The following ADGRV1 variants were observed in gnomAD, a reference collection of about 807,000 sequenced individuals.
ADGRV1 encodes the protein adhesion G protein-coupled receptor V1, also known as G-protein coupled receptor 98.
A neutral mutation model predicts 596.2 loss-of-function variants in ADGRV1; 359 were observed. The ratio of observed to expected loss-of-function variants is 0.60; its 90% CI spans 0.55 to 0.66. ADGRV1 has a LOEUF of 0.66. Among genes scored for constraint, ADGRV1 ranks in the 30% least tolerant of loss-of-function variants. ADGRV1 has a pLI of 0.00. For missense variants in ADGRV1, 7,274 were observed against 7,575.6 expected, an observed-to-expected ratio of 0.96 and a Z score of 1.48; for synonymous variants, 2,681 against 2,679.2, an observed-to-expected ratio of 1.00 and a Z score of -0.02.
intron 87 of ADGRV1, among the ~76,000 whole-genome samples, chr5:91,145,885 C>T (rs34302350): frequency 0.2 from 30,183 of 152,116 alleles, 4,196 homozygotes; most frequent in African/African-American, 0.39. Flanking sequence ...AGCCTACATA[C>T]CTAGAGCATT....
intron 25 of ADGRV1, among the ~76,000 whole-genome samples, chr5:90,677,706 T>C (rs958247744): frequency 6.6e-6 from 1 of 152,184 alleles, no homozygotes; most frequent in Non-Finnish European, 1.5e-5. Flanking sequence ...CTCTAGAATA[T>C]GCATTGTTAT....
At chr5:90,985,247 G>T (rs1780391017) in intron 84 of ADGRV1, 97 bp from the exon 85 acceptor site, 13 of 679,148 alleles carry the variant, frequency 1.9e-5, no homozygotes, top group Non-Finnish European at 2.3e-5. Context: ...GTAGATCCTG[G>T]CCTTTTGTTG....
At chr5:91,059,213 G>T (rs1312464160) in intron 85 of ADGRV1, among the ~76,000 whole-genome samples, 1 of 152,124 alleles carries the variant, frequency 6.6e-6, no homozygotes, top group Non-Finnish European at 1.5e-5. Context: ...CTGCACTCTT[G>T]TAAGGTAGAT....
intron 84 of ADGRV1, among the ~76,000 whole-genome samples, chr5:90,974,367 A>G (rs1562027372): frequency 1.3e-5 from 2 of 152,202 alleles, no homozygotes. Flanking sequence ...TTCATATGGA[A>G]CCACGAAAGA....
chr5:91,112,129 A>G (rs1792426655), intron 87 of ADGRV1, among the ~76,000 whole-genome samples: 1 of 152,160 alleles, frequency 6.6e-6, no homozygotes, highest in African/African-American at 2.4e-5. Flanking sequence ...CTTTAGATAG[A>G]CTGCAGGATT....
chr5:90,730,262 C>T (rs1398220978), intron 50 of ADGRV1, among the ~76,000 whole-genome samples: 1 of 152,012 alleles, frequency 6.6e-6, no homozygotes, highest in African/African-American at 2.4e-5. Context: ...TTTCCTTTTG[C>T]AGATTAATAC....
chr5:90,740,166 C>T (rs1753782786), intron 50 of ADGRV1, among the ~76,000 whole-genome samples: 1 of 152,052 alleles, frequency 6.6e-6, no homozygotes, highest in African/African-American at 2.4e-5. Flanking sequence ...TTTGGATAAT[C>T]CGTGGGTCTG....
chr5:91,103,550 C>T (rs1044153905), intron 87 of ADGRV1, among the ~76,000 whole-genome samples: 1 of 151,820 alleles, frequency 6.6e-6, no homozygotes, highest in Admixed American at 6.6e-5. Context: ...GAACTAAGAA[C>T]AAGGTCCAAA....
intron 83 of ADGRV1, among the ~76,000 whole-genome samples, chr5:90,947,449 C>G (rs929183455): frequency 2.0e-5 from 3 of 151,816 alleles, no homozygotes; most frequent in African/African-American, 7.3e-5. Flanking sequence ...TAATTAGATC[C>G]CATTTTTCAA....
chr5:91,049,460 T>C (rs1786121059), intron 85 of ADGRV1, among the ~76,000 whole-genome samples: 1 of 152,230 alleles, frequency 6.6e-6, no homozygotes, highest in South Asian at 2.1e-4. Context: ...CTTAAAACTT[T>C]CCATATGGTG....
At chr5:90,893,197 G>C (rs755988963) in intron 83 of ADGRV1, among the ~76,000 whole-genome samples, 1 of 152,108 alleles carries the variant, frequency 6.6e-6, no homozygotes, top group South Asian at 2.1e-4. Context: ...CTAGTGTGAC[G>C]ATTGGCTAGA....
At chr5:90,907,813 C>T (rs191733630) in intron 83 of ADGRV1, among the ~76,000 whole-genome samples, 16 of 151,994 alleles carry the variant, frequency 1.1e-4, no homozygotes, top group Middle Eastern at 6.8e-3. Flanking sequence ...GCTAGGTGTT[C>T]GATGGTAGGC....
At chr5:90,961,507 A>AAGC (rs1554178779) in intron 83 of ADGRV1, among the ~76,000 whole-genome samples, 5 of 82,024 alleles carry the variant, frequency 6.1e-5, no homozygotes, top group Admixed American at 1.2e-4. Flanking sequence ...AAAAAAAAAA[A>AAGC]GGGGGGGTGG....
intron 22 of ADGRV1, among the ~76,000 whole-genome samples, chr5:90,673,454 A>G (rs980062492): frequency 6.6e-6 from 1 of 152,180 alleles, no homozygotes; most frequent in Non-Finnish European, 1.5e-5. Flanking sequence ...AGAAAATGCT[A>G]CTGCTCAGCA....
At position 91,141,798 on chromosome 5, in the gene ADGRV1, C is replaced by CA. The variant is rs139405687; in HGVS notation, c.18433-8229dup. On this transcript the variant is annotated intron_variant, in intron 87 of 89. Coordinates refer to ENST00000405460, the MANE Select transcript of ADGRV1 (RefSeq NM_032119.4). Reference sequence around the variant, plus strand: ...GTTTGAAGCCAGAAACAAGAGATCACAAAGACTTCCCAGGGGTGTCTGCCA... The same window carrying CA: ...GTTTGAAGCCAGAAACAAGAGATCACAAAAGACTTCCCAGGGGTGTCTGCCA... Among the ~76,000 whole-genome samples, 451 of 152,290 alleles carry CA rather than the reference C, an allele frequency of 3.0e-3. 7 individuals are homozygous for CA. The East Asian group carries it at 0.057, about 19-fold the overall frequency.
At chr5:90,778,317 G>A in intron 62 of ADGRV1, 110 bp from the exon 63 acceptor site, 3 of 951,718 alleles carry the variant, frequency 3.2e-6, no homozygotes, top group Non-Finnish European at 1.6e-6. Flanking sequence ...TTAAGAGTGG[G>A]AATGAGGAGG....
chr5:90,800,342 A>C (rs188929548), intron 70 of ADGRV1, among the ~76,000 whole-genome samples: 12 of 152,372 alleles, frequency 7.9e-5, no homozygotes, highest in Admixed American at 7.8e-4. Flanking sequence ...ATCACTGGTC[A>C]TTAGAGAAAT....
At chr5:90,609,783 A>T (rs954240918) in intron 1 of ADGRV1, among the ~76,000 whole-genome samples, 1 of 151,984 alleles carries the variant, frequency 6.6e-6, no homozygotes, top group African/African-American at 2.4e-5. Context: ...AAGGTAAAAG[A>T]TGAAGCTAAT....
At chr5:90,559,005 G>C (rs1387972807) in intron 1 of ADGRV1, 88 bp downstream of exon 1, 1 of 1,219,450 alleles carries the variant, frequency 8.2e-7, no homozygotes, top group Non-Finnish European at 1.1e-6. Flanking sequence ...GCAGGTGGGC[G>C]GCGAGGGCGG....
Sources: allele counts gnomAD v4.1 joint callset (sites outside exome capture counted in the v4.1 genomes callset), GRCh38; gene constraint gnomAD v4.1.1; transcripts MANE v1.5; gene names NCBI Gene and HGNC (gene_info 2026-07-23, HGNC 2026-07-21).